Variants in EGFR observed in about 807,000 individuals in gnomAD.
EGFR encodes epidermal growth factor receptor.
Under a neutral mutation model 143.0 loss-of-function variants are expected in EGFR, and 58 were observed. The ratio of observed to expected loss-of-function variants is 0.41; its 90% CI spans 0.33 to 0.50. EGFR has a LOEUF of 0.50. Ranked by LOEUF, EGFR falls within the 20% of genes least tolerant of loss-of-function variation. EGFR has a pLI of 0.39. For synonymous variants in EGFR, 613 were observed against 594.4 expected (o/e 1.03, Z -0.45); for missense variants, 1,307 against 1,579.0 (o/e 0.83, Z 2.92).
chr7:55,064,204 G>A (rs1789365222), intron 1 of EGFR, among the ~76,000 whole-genome samples: 1 of 152,168 alleles, frequency 6.6e-6, no homozygotes, highest in South Asian at 2.1e-4. Context: ...CTTAAAAATA[G>A]GTTGTATGTA....
chr7:55,141,865 T>TA (rs576123865), intron 1 of EGFR, among the ~76,000 whole-genome samples: 86 of 152,210 alleles, frequency 5.7e-4, no homozygotes, highest in Admixed American at 1.1e-3. Flanking sequence ...CCTTGTGAAA[T>TA]TTATTTTTTG....
At chr7:55,099,838 AG>A (rs1454156393) in intron 1 of EGFR, among the ~76,000 whole-genome samples, 1 of 152,038 alleles carries the variant, frequency 6.6e-6, no homozygotes, top group African/African-American at 2.4e-5. Flanking sequence ...AAAAAAAAAA[AG>A]AAAGGGGCCC....
At chr7:55,204,098 A>C (rs542220993) in intron 27 of EGFR, among the ~76,000 whole-genome samples, 2 of 151,850 alleles carry the variant, frequency 1.3e-5, no homozygotes, top group South Asian at 4.2e-4. Context: ...AAGCTATTAG[A>C]AAAATGCAAG....
intron 1 of EGFR, among the ~76,000 whole-genome samples, chr7:55,028,540 T>C (rs1254372235): frequency 1.3e-5 from 2 of 152,194 alleles, no homozygotes; most frequent in East Asian, 1.9e-4. Context: ...CCAGCAATCA[T>C]TGAATACCTG....
intron 6 of EGFR, among the ~76,000 whole-genome samples, chr7:55,153,154 G>C (rs1785243283): frequency 6.6e-6 from 1 of 152,214 alleles, no homozygotes; most frequent in African/African-American, 2.4e-5. Context: ...AGGGCCTCCT[G>C]ACACGGATCC....
intron 1 of EGFR, among the ~76,000 whole-genome samples, chr7:55,020,269 T>C (rs986102537): frequency 1.3e-5 from 2 of 152,124 alleles, no homozygotes; most frequent in African/African-American, 4.8e-5. Context: ...AGCCCCAGGC[T>C]CTCCTTCGAT....
At chr7:55,088,302 A>G (rs1477552748) in intron 1 of EGFR, among the ~76,000 whole-genome samples, 2 of 152,302 alleles carry the variant, frequency 1.3e-5, no homozygotes, top group South Asian at 2.1e-4. Flanking sequence ...AAAGAGCCCC[A>G]TGAAAGAGTG....
intron 3 of EGFR, 90 bp from the exon 4 acceptor site, chr7:55,146,516 G>A (rs1794768418): frequency 6.3e-7 from 1 of 1,590,562 alleles, no homozygotes; most frequent in Admixed American, 1.7e-5. Flanking sequence ...CATCTCTTTA[G>A]CAGAACATAA....
intron 1 of EGFR, among the ~76,000 whole-genome samples, chr7:55,109,466 G>A (rs1159641567): frequency 6.6e-6 from 1 of 152,192 alleles, no homozygotes; most frequent in Non-Finnish European, 1.5e-5. Context: ...AAAAAATCAA[G>A]GACCTGCTAC....
intron 1 of EGFR, among the ~76,000 whole-genome samples, chr7:55,093,605 A>G (rs1791265628): frequency 6.6e-6 from 1 of 152,198 alleles, no homozygotes; most frequent in Non-Finnish European, 1.5e-5. Context: ...ATCTTCTTTC[A>G]TAGAAATGGT....
chr7:55,030,210 G>C (rs1175083617), intron 1 of EGFR, among the ~76,000 whole-genome samples: 1 of 147,902 alleles, frequency 6.8e-6, no homozygotes, highest in East Asian at 1.9e-4. Context: ...GACGTCATTG[G>C]GTTTTTTAGC....
chr7:55,148,046 G>T (rs972706461), intron 4 of EGFR, among the ~76,000 whole-genome samples: 12 of 152,146 alleles, frequency 7.9e-5, no homozygotes, highest in Non-Finnish European at 1.8e-4. Flanking sequence ...CAGACACTGG[G>T]GTTGCTTCCA....
At chr7:55,172,609 A>G (rs867688917) in intron 16 of EGFR, among the ~76,000 whole-genome samples, 24 of 152,200 alleles carry the variant, frequency 1.6e-4, no homozygotes, top group African/African-American at 5.8e-4. Context: ...CTTCAATTGC[A>G]TGGAAATACT....
chr7:55,173,200 A>G (rs1414802984), intron 17 of EGFR, 76 bp downstream of exon 17: 12 of 1,583,416 alleles, frequency 7.6e-6, no homozygotes, highest in Middle Eastern at 2.1e-4. Flanking sequence ...AGAACGGGCC[A>G]TTAGCAGTTG....
At chr7:55,051,979 G>A (rs1299165776) in intron 1 of EGFR, among the ~76,000 whole-genome samples, 1 of 152,192 alleles carries the variant, frequency 6.6e-6, no homozygotes, top group African/African-American at 2.4e-5. Flanking sequence ...AACTCCAGGA[G>A]GGCAGAGTTC....
intron 20 of EGFR, among the ~76,000 whole-genome samples, chr7:55,186,741 T>C (rs1343427527): frequency 6.6e-6 from 1 of 152,178 alleles, no homozygotes; most frequent in Non-Finnish European, 1.5e-5. Context: ...TCACATGAAA[T>C]ACATATAGAA....
rs1562783554 is a variant in EGFR, at chr7:55,173,039, TG to T, written c.1978del (p.Val660TrpfsTer45). ...GMVGALLLLL[V>X]VALGIGLFMR... is the part of the protein sequence containing the mutation. ...GTGGGGGCCCTCCTCTTGCTGCTGG[TG>T]GTGGCCCTGGGGATCGGCCTCTTCA... On this transcript the variant is annotated frameshift_variant, in exon 17 of 28. Transcript: ENST00000275493. LOFTEE classifies it high-confidence loss of function. 1 of 1,614,024 alleles carries T rather than the reference TG, an allele frequency of 6.2e-7. No individual in the cohort carries two copies. Among genetic ancestry groups the T allele is most frequent in the Admixed American group, 1.7e-5 (1 of 60,026 alleles).
chr7:55,059,597 A>G (rs1789048580), intron 1 of EGFR, among the ~76,000 whole-genome samples: 1 of 152,048 alleles, frequency 6.6e-6, no homozygotes, highest in Non-Finnish European at 1.5e-5. Context: ...TCCTGGCCCT[A>G]CAAGTCCCCT....
intron 14 of EGFR, 53 bp downstream of exon 14, chr7:55,163,876 G>A (rs1785833401): frequency 6.3e-7 from 1 of 1,592,890 alleles, no homozygotes; most frequent in African/African-American, 1.3e-5. Context: ...GGCCTTCACA[G>A]AAGCCGAACA....
Sources: allele counts gnomAD v4.1 joint callset (sites outside exome capture counted in the v4.1 genomes callset), GRCh38; gene constraint gnomAD v4.1.1; transcripts MANE v1.5; gene names NCBI Gene and HGNC (gene_info 2026-07-23, HGNC 2026-07-21).